The following MPP3 variants were observed in gnomAD, a reference collection of about 807,000 sequenced individuals.
The protein encoded by MPP3 is MAGUK p55 subfamily member 3.
Under a neutral mutation model 80.7 loss-of-function variants are expected in MPP3, and 48 were observed. That is an observed-to-expected ratio of 0.59 (90% confidence interval 0.47 to 0.76). MPP3 has a LOEUF of 0.76. MPP3 is among the 30% of genes least tolerant of loss of function. The pLI is 0.00. For synonymous variants in MPP3, 311 were observed against 297.6 expected (o/e 1.04, Z -0.46); for missense variants, 620 against 763.0 (o/e 0.81, Z 2.21).
chr17:43,823,170 G>A (rs1295859780), intron 10 of MPP3, among the ~76,000 whole-genome samples: 2 of 152,090 alleles, frequency 1.3e-5, no homozygotes, highest in Admixed American at 1.3e-4. Flanking sequence ...CAGCTTCTAA[G>A]AGGCCCCACA....
intron 6 of MPP3, 71 bp from the exon 7 acceptor site, chr17:43,829,862 T>C: frequency 6.2e-7 from 1 of 1,604,054 alleles, no homozygotes; most frequent in Non-Finnish European, 8.5e-7. Context: ...AGCTGGCCGG[T>C]GGTATGGAGG....
At chr17:43,815,728 G>A in intron 14 of MPP3, 1 of 593,532 alleles carries the variant, frequency 1.7e-6, no homozygotes, top group Non-Finnish European at 3.1e-6. Context: ...CGTGGTAGTG[G>A]TGTTAATATT....
rs764221119 is a variant in MPP3 at position 43,831,624 on chromosome 17, GGTTGGA to G, written c.73_78del (p.Ser25_Asn26del). The G allele has an allele frequency of 1.7e-5, 28 of 1,613,892 alleles. No homozygotes were observed. The highest frequency in any genetic ancestry group is 1.0e-5 in the Non-Finnish European group (12 of 1,179,934). On this transcript the variant is annotated inframe_deletion, in exon 4 of 20. Transcript: ENST00000398389. The stretch of plus-strand genomic sequence containing the variant: ...CTCAGGAAGCCCATCTCCTCCTTGT[GGTTGGA>G]GTCAGGTCTGAGCTGGGAGGTCAGC...
At position 43,831,434 on chromosome 17, in the gene MPP3, T is replaced by C. The variant is rs2045955031; in HGVS notation, c.145-113A>G. On this transcript the variant is annotated intron_variant, in intron 4 of 19. Coordinates refer to ENST00000398389, the MANE Select transcript of MPP3 (RefSeq NM_001932.6). ...ACTGACAGGGCACCATAAGAGAAAGTCCTGTGTAGTGGGCAAGTGAAGGCC... is the reference window on the plus strand; with the variant it reads ...ACTGACAGGGCACCATAAGAGAAAGCCCTGTGTAGTGGGCAAGTGAAGGCC... 3 of 1,351,316 alleles carry C rather than the reference T, an allele frequency of 2.2e-6. No individual in the cohort carries two copies. The Admixed American group carries it at 5.1e-5, about 23-fold the overall frequency. 83.7% of individuals were successfully genotyped at this position (1,351,316 alleles called of 1,614,324 possible).
intron 10 of MPP3, 70 bp from the exon 11 acceptor site, chr17:43,821,128 A>G (rs748017213): frequency 1.4e-6 from 2 of 1,478,290 alleles, no homozygotes; most frequent in Non-Finnish European, 1.9e-6. Flanking sequence ...GTCACATCAA[A>G]GGCCACATGA....
At chr17:43,813,336 ATCTCTCT>A (rs1434270783) in intron 16 of MPP3, among the ~76,000 whole-genome samples, 2 of 151,958 alleles carry the variant, frequency 1.3e-5, no homozygotes, top group Non-Finnish European at 2.9e-5. Flanking sequence ...GATGATAACA[ATCTCTCT>A]TCTCAGGGGT....
At chr17:43,818,137 G>A (rs1241626750) in intron 11 of MPP3, 27 bp from the exon 12 acceptor site, 4 of 1,477,882 alleles carry the variant, frequency 2.7e-6, no homozygotes, top group Admixed American at 2.4e-5. Flanking sequence ...GGATGGGCGG[G>A]CCCGTGAGCT....
At chr17:43,815,362 T>A (rs1040051977) in intron 14 of MPP3, among the ~76,000 whole-genome samples, 4 of 152,064 alleles carry the variant, frequency 2.6e-5, no homozygotes, top group Admixed American at 6.5e-5. Flanking sequence ...GTTTAAAAAC[T>A]TTTTAGAAAG....
At chr17:43,814,510 G>T in intron 14 of MPP3, 149 bp from the exon 15 acceptor site, 1 of 688,362 alleles carries the variant, frequency 1.5e-6, no homozygotes, top group Non-Finnish European at 2.3e-6. Flanking sequence ...GGAAGAGGTT[G>T]TTCAGGAAAT....
Position 43,831,578 on chromosome 17 carries a change from C to T in MPP3, c.125G>A (p.Ser42Asn), listed in dbSNP as rs1464247805. The T allele has an allele frequency of 6.2e-7, 1 of 1,612,902 alleles. No individual in the cohort carries two copies. The highest frequency in any genetic ancestry group is 1.3e-5 in the African/African-American group (1 of 74,888). The change falls in exon 4 of 20, where the codon AGC (serine) becomes AAC (asparagine). Residue 42 changes from serine (S) to asparagine (N), a missense_variant. Transcript: ENST00000398389. ...GFLRDVFSEK[S>N]LSYLMKIHEK... ...CTTCACCTTCATTAAGTAACTGAGG[C>T]TTTTTTCACTGAAAACATCCCTCAG...
intron 19 of MPP3, among the ~76,000 whole-genome samples, chr17:43,807,297 A>G (rs527896506): frequency 6.6e-6 from 1 of 150,422 alleles, no homozygotes; most frequent in South Asian, 2.1e-4. Flanking sequence ...CTAAAGGAGA[A>G]AATTTTTCTT....
At chr17:43,828,391 T>C (rs1167677386) in intron 7 of MPP3, among the ~76,000 whole-genome samples, 1 of 152,210 alleles carries the variant, frequency 6.6e-6, no homozygotes, top group Non-Finnish European at 1.5e-5. Flanking sequence ...CTCGATTTCC[T>C]GCACCACACA....
chr17:43,811,062 CAA>C (rs1245702985), intron 17 of MPP3, 48 bp downstream of exon 17: 13 of 1,554,550 alleles, frequency 8.4e-6, no homozygotes, highest in African/African-American at 1.4e-5. Flanking sequence ...AATACAGATA[CAA>C]AAACACACAA....
Position 43,808,966 on chromosome 17 carries a change from G to C in MPP3, c.1571C>G (p.Ala524Gly). Residue 524 changes from alanine to glycine, a missense_variant, in exon 19 of 20, where the codon GCA becomes GGA. By Grantham distance (60) the Ala-to-Gly change is moderately conservative. Transcript: ENST00000398389. ...CAACTTTAAACTTACAAATGGGGCT[G>C]CTGTGTCCTCACAAGCTGGGGACAT... ...PPMSPACEDT[A>G]APFDEQQQEM... 6.2e-7 allele frequency: 1 copy of C among 1,601,226 alleles called. No homozygotes were observed. The highest frequency in any genetic ancestry group is 1.1e-5 in the South Asian group (1 of 87,820).
chr17:43,818,206 T>G (rs917454627), intron 11 of MPP3, 96 bp from the exon 12 acceptor site: 30 of 1,138,338 alleles, frequency 2.6e-5, no homozygotes, highest in South Asian at 1.5e-4. Context: ...AAGGCCTGGA[T>G]CCCACAGGTG....
At chr17:43,804,239 G>T (rs1162306328) in intron 19 of MPP3, among the ~76,000 whole-genome samples, 1 of 152,148 alleles carries the variant, frequency 6.6e-6, no homozygotes, top group African/African-American at 2.4e-5. Context: ...ATATGGAAAT[G>T]TAAAGGACCC....
chr17:43,812,056 C>T (rs1025881158), intron 16 of MPP3, among the ~76,000 whole-genome samples: 4 of 152,350 alleles, frequency 2.6e-5, no homozygotes, highest in African/African-American at 7.2e-5. Context: ...AAAAAGGAGA[C>T]AGGAAGACAG....
rs1598351033 is a variant in MPP3, at chr17:43,820,910, T to G, written c.833A>C (p.Asp278Ala). ...PTWWQAKRVG[D>A]TNLRAGLIPS... is the part of the protein sequence containing the mutation. ...GATGAGGCCGGCTCGAAGGTTGGTG[T>G]CCCCGACTCGCTTGGCCTGCCACCA... Residue 278 changes from aspartate to alanine, a missense_variant, in exon 11 of 20, where the codon GAC becomes GCC. By Grantham distance (126) the Asp-to-Ala change is moderately radical. Transcript: ENST00000398389. The G allele has an allele frequency of 6.2e-7, 1 of 1,614,076 alleles. No individual in the cohort carries two copies. Among genetic ancestry groups the G allele is most frequent in the Non-Finnish European group, 8.5e-7 (1 of 1,180,002 alleles).
At chr17:43,813,549 C>T (rs937959946) in intron 16 of MPP3, among the ~76,000 whole-genome samples, 3 of 152,144 alleles carry the variant, frequency 2.0e-5, no homozygotes, top group Non-Finnish European at 4.4e-5. Context: ...CAGGAATGTA[C>T]CCAGCTACCC....
Sources: gnomAD v4.1 joint callset for allele counts (sites outside exome capture counted in the v4.1 genomes callset) on GRCh38, gnomAD v4.1.1 for gene constraint, MANE v1.5 for transcripts, NCBI Gene and HGNC (gene_info 2026-07-23, HGNC 2026-07-21) for gene names.